TDRD1: variants seen among roughly 807,000 people sequenced by gnomAD.
The protein encoded by TDRD1 is tudor domain-containing protein 1.
TDRD1 carries 37 observed loss-of-function variants against 140.6 expected under a neutral mutation model. The observed-to-expected ratio is 0.26, with a 90% CI of 0.20 to 0.35. The LOEUF (loss-of-function observed/expected upper bound fraction) is 0.35, where lower values mean the gene tolerates loss of function less well. Among genes scored for constraint, TDRD1 ranks in the 10% least tolerant of loss-of-function variants. The pLI is 1.00. For synonymous variants in TDRD1, 506 were observed against 475.7 expected, an observed-to-expected ratio of 1.06 and a Z score of -0.83; for missense variants, 1,243 against 1,393.0, an observed-to-expected ratio of 0.89 and a Z score of 1.71.
At chr10:114,192,291 C>CT (rs1564936820) in intron 3 of TDRD1, among the ~76,000 whole-genome samples, 2 of 105,848 alleles carry the variant, frequency 1.9e-5, no homozygotes, top group African/African-American at 4.2e-5. Context: ...TGATAGTTTT[C>CT]CTTTTTTTTT....
At chr10:114,188,451 T>G (rs1453308517) in intron 2 of TDRD1, among the ~76,000 whole-genome samples, 3 of 152,224 alleles carry the variant, frequency 2.0e-5, no homozygotes, top group African/African-American at 7.2e-5. Flanking sequence ...TTCTAAAGAT[T>G]GACCCGTATC....
chr10:114,196,615 A>G (rs2034369151), intron 3 of TDRD1, among the ~76,000 whole-genome samples: 1 of 151,992 alleles, frequency 6.6e-6, no homozygotes, highest in Non-Finnish European at 1.5e-5. Context: ...TGTTTTATAT[A>G]TAAGTTCAGG....
At chr10:114,203,221 T>C in intron 7 of TDRD1, 45 bp downstream of exon 7, 1 of 1,530,960 alleles carries the variant, frequency 6.5e-7, no homozygotes, top group Non-Finnish European at 9.0e-7. Flanking sequence ...TCCAGAGAAC[T>C]GTATTTATTC....
In TDRD1 at chr10:114,208,329, T is replaced by A. The variant is rs573971592; in HGVS notation, c.1384+1999T>A. On this transcript the variant is annotated intron_variant, in intron 11 of 25. Transcript: ENST00000251864. ...GTTGGATTCAAGTAATGTTGGTGGG[T>A]ATGGAAGAATCAGATTTGGAAGTCA... Among the ~76,000 whole-genome samples, 5 of 152,278 alleles carry A rather than the reference T, an allele frequency of 3.3e-5. No homozygotes were observed. The South Asian group carries it at 6.2e-4, about 19-fold the overall frequency.
At chr10:114,187,687 T>A in intron 1 of TDRD1, 139 bp from the exon 2 acceptor site, 10 of 744,108 alleles carry the variant, frequency 1.3e-5, no homozygotes, top group Non-Finnish European at 1.9e-5. Context: ...AGTTTTGATG[T>A]CATGGTTATA....
chr10:114,182,844 C>G (rs1296160621), intron 1 of TDRD1, among the ~76,000 whole-genome samples: 2 of 152,078 alleles, frequency 1.3e-5, no homozygotes, highest in African/African-American at 4.8e-5. Flanking sequence ...GCCACCATGC[C>G]CAGCTAATTT....
At chr10:114,219,384 G>A (rs1339778456) in intron 18 of TDRD1, among the ~76,000 whole-genome samples, 1 of 151,970 alleles carries the variant, frequency 6.6e-6, no homozygotes, top group Non-Finnish European at 1.5e-5. Flanking sequence ...TATAGTAGCG[G>A]TTATTATAAA....
At chr10:114,218,851 AC>A (rs1293222468) in intron 18 of TDRD1, among the ~76,000 whole-genome samples, 1 of 152,250 alleles carries the variant, frequency 6.6e-6, no homozygotes, top group Non-Finnish European at 1.5e-5. Context: ...CAGCGTTCAT[AC>A]CTTCTGACTT....
At chr10:114,186,531 C>T (rs1423412621) in intron 1 of TDRD1, among the ~76,000 whole-genome samples, 1 of 152,202 alleles carries the variant, frequency 6.6e-6, no homozygotes, top group Non-Finnish European at 1.5e-5. Flanking sequence ...TCTCAAAGTG[C>T]TGGGATTACA....
exon 22 of TDRD1, chr10:114,226,180 G>A: frequency 1.9e-6 from 3 of 1,613,714 alleles, no homozygotes; most frequent in Non-Finnish European, 1.7e-6. Flanking sequence ...TAGCCACCTG[G>A]CGCTTCCTTT....
rs1014316282 is a variant in TDRD1 at position 114,213,291 on chromosome 10, A to C, written c.1832-55A>C. On this transcript the variant is annotated intron_variant, in intron 14 of 25. Transcript: ENST00000251864. ...TTTACCTTGGGGGAAATTAGGAGCT[A>C]AATTTCTAAATGCTTTCAGAATAAT... The C allele has an allele frequency of 1.0e-5, 16 of 1,543,070 alleles. No homozygotes were observed. In the African/African-American group the frequency reaches 1.9e-4, roughly 19 times the overall value.
chr10:114,219,203 A>G (rs767250779), intron 18 of TDRD1, among the ~76,000 whole-genome samples: 12 of 152,212 alleles, frequency 7.9e-5, no homozygotes, highest in Non-Finnish European at 1.5e-4. Flanking sequence ...GAGTGTTGTG[A>G]TAAAGACAAT....
intron 11 of TDRD1, 134 bp from the exon 12 acceptor site, chr10:114,210,447 C>T: frequency 1.2e-6 from 1 of 813,962 alleles, no homozygotes; most frequent in Non-Finnish European, 1.8e-6. Context: ...AACACCATGA[C>T]CTCTCAGACT....
chr10:114,199,392 G>A (rs2132930285), intron 4 of TDRD1, 75 bp downstream of exon 4: 1 of 1,528,514 alleles, frequency 6.5e-7, no homozygotes. Flanking sequence ...GGCAGATGAT[G>A]AAACATTAAG....
chr10:114,229,096 CAAAACA>C (rs1164273489), intron 25 of TDRD1, among the ~76,000 whole-genome samples: 2,603 of 14,444 alleles, frequency 0.18, 62 homozygotes, highest in African/African-American at 0.42. Context: ...CAAAACAAAA[CAAAACA>C]AAAAAAAAAA....
chr10:114,213,256 G>A, intron 14 of TDRD1, 90 bp from the exon 15 acceptor site: 1 of 1,224,814 alleles, frequency 8.2e-7, no homozygotes, highest in Non-Finnish European at 1.1e-6. Flanking sequence ...TTTGCCATAG[G>A]TTTCTTAAGT....
chr10:114,176,262 C>CG (rs1380941308), upstream of TDRD1, among the ~76,000 whole-genome samples: 6 of 150,164 alleles, frequency 4.0e-5, no homozygotes, highest in Non-Finnish European at 8.9e-5. The surrounding 1 kb of genome is among the most constrained non-coding windows in gnomAD (Gnocchi z 4.2). Flanking sequence ...GTATTCCTGC[C>CG]GGGGGATGCA....
At chr10:114,208,220 C>T (rs1429673848) in intron 11 of TDRD1, among the ~76,000 whole-genome samples, 1 of 152,036 alleles carries the variant, frequency 6.6e-6, no homozygotes, top group Non-Finnish European at 1.5e-5. Context: ...CATTAAAGGT[C>T]GCAGGAGCTG....
At chr10:114,175,000 G>T (rs2032659358), upstream of TDRD1, among the ~76,000 whole-genome samples, 2 of 152,200 alleles carry the variant, frequency 1.3e-5, no homozygotes, top group South Asian at 4.1e-4. Flanking sequence ...AATAGCTGAT[G>T]CAGACGATTC....
Sources: gnomAD v4.1 joint callset for allele counts (sites outside exome capture counted in the v4.1 genomes callset) on GRCh38, gnomAD v4.1.1 for gene constraint, Gnocchi (gnomAD v3.1) non-coding constraint, MANE v1.5 for transcripts, NCBI Gene and HGNC (gene_info 2026-07-23, HGNC 2026-07-21) for gene names.